Variants in CNTNAP2 observed in about 807,000 individuals in gnomAD.
CNTNAP2 encodes the protein contactin associated protein 2, also known as contactin-associated protein-like 2.
A neutral mutation model predicts 155.2 loss-of-function variants in CNTNAP2; 98 were observed. That is an observed-to-expected ratio of 0.63 (90% CI 0.54 to 0.75). The LOEUF is 0.75. CNTNAP2 is among the 30% of genes least tolerant of loss of function. The pLI is 0.00. For synonymous variants in CNTNAP2, 651 were observed against 631.2 expected (o/e 1.03, Z -0.47); for missense variants, 1,727 against 1,688.1 (o/e 1.02, Z -0.40).
rs1469843603 is a variant in CNTNAP2 at position 146,665,796 on chromosome 7, AAAT to A, written c.98-108473_98-108471del. Among the ~76,000 whole-genome samples, 5 of 148,516 alleles carry A rather than the reference AAAT, an allele frequency of 3.4e-5. 2 individuals are homozygous for A. The East Asian group carries it at 7.8e-4, about 23-fold the overall frequency. Reference sequence around the variant, plus strand: ...ACTCTGTCTCATTAAAAAAAAAAAAAAATACATTTTGTAACTGATTTCTATTTT... The same window carrying A: ...ACTCTGTCTCATTAAAAAAAAAAAAAACATTTTGTAACTGATTTCTATTTT... On this transcript the variant is annotated intron_variant, in intron 1 of 23. Transcript: ENST00000361727.
chr7:147,633,626 C>A (rs1254319618), intron 12 of CNTNAP2, among the ~76,000 whole-genome samples: 2 of 152,116 alleles, frequency 1.3e-5, no homozygotes, highest in Admixed American at 6.6e-5. Context: ...ATGCGAGGAC[C>A]AGATGGAGTT....
At position 147,561,097 on chromosome 7, in the gene CNTNAP2, C is replaced by T. The variant is rs116560931; in HGVS notation, c.1778-1041C>T. Among the ~76,000 whole-genome samples the T allele has an allele frequency of 9.7e-3, 1,482 of 152,026 alleles. 19 individuals carry two copies. The highest frequency in any genetic ancestry group is 0.034 in the African/African-American group (1,397 of 41,450). On this transcript the variant is annotated intron_variant, in intron 11 of 23. Coordinates refer to ENST00000361727, the MANE Select transcript of CNTNAP2 (RefSeq NM_014141.6). Reference sequence around the variant, plus strand: ...GAGAGGTGGCAATGACCTTGAGACCCTCCTCAGTGAAAGCTCTCTAATTCT... The same window carrying T: ...GAGAGGTGGCAATGACCTTGAGACCTTCCTCAGTGAAAGCTCTCTAATTCT...
rs145668414 is a variant in CNTNAP2 at position 148,270,895 on chromosome 7, A to G, written c.3475+3769A>G. Among the ~76,000 whole-genome samples, 294 of 152,332 alleles carry G rather than the reference A, an allele frequency of 1.9e-3. 3 individuals are homozygous for G. The highest frequency in any genetic ancestry group is 6.8e-3 in the African/African-American group (284 of 41,576). ...GAGCCTAGGTTCTCTCCTTTGCAAAATGGGGAACACAAATGCCTACTTGCA... is the reference window on the plus strand; with the variant it reads ...GAGCCTAGGTTCTCTCCTTTGCAAAGTGGGGAACACAAATGCCTACTTGCA... On this transcript the variant is annotated intron_variant, in intron 21 of 23. Transcript: ENST00000361727.
intron 9 of CNTNAP2, among the ~76,000 whole-genome samples, chr7:147,344,646 CA>C (rs1286540323): frequency 6.6e-6 from 1 of 152,102 alleles, no homozygotes; most frequent in Non-Finnish European, 1.5e-5. Flanking sequence ...CAGCATTATG[CA>C]AATGATTGAT....
chr7:147,711,755 T>A (rs1335767503), intron 13 of CNTNAP2, among the ~76,000 whole-genome samples: 1 of 152,156 alleles, frequency 6.6e-6, no homozygotes, highest in East Asian at 1.9e-4. Flanking sequence ...ATTAAGACAA[T>A]CAGCTAAGAT....
chr7:146,344,502 C>T lies in CNTNAP2; in HGVS notation c.97+227529C>T, dbSNP rs141263109. On this transcript the variant is annotated intron_variant, in intron 1 of 23. Coordinates refer to ENST00000361727, the MANE Select transcript of CNTNAP2 (RefSeq NM_014141.6). ...TTTTTTTCTTTTTCTTTTTTTGAGA[C>T]ACAGTCTCACTTTGTAGCCCAGGCT... Among the ~76,000 whole-genome samples the T allele has an allele frequency of 3.5e-3, 516 of 148,614 alleles. 4 individuals carry two copies. Among genetic ancestry groups the T allele is most frequent in the African/African-American group, 0.012 (496 of 40,292 alleles).
At chr7:147,252,707 T>A (rs546392811) in intron 8 of CNTNAP2, among the ~76,000 whole-genome samples, 2 of 152,138 alleles carry the variant, frequency 1.3e-5, no homozygotes, top group East Asian at 3.8e-4. Flanking sequence ...ACCAAACTCA[T>A]GGTAGATTGA....
chr7:148,279,136 G>GT (rs747413066), intron 21 of CNTNAP2, among the ~76,000 whole-genome samples: 1 of 152,210 alleles, frequency 6.6e-6, no homozygotes, highest in Non-Finnish European at 1.5e-5. Flanking sequence ...ACAGTAGAAG[G>GT]TTTTGAGCAC....
intron 1 of CNTNAP2, among the ~76,000 whole-genome samples, chr7:146,721,650 T>C (rs189544952): frequency 1.1e-3 from 120 of 112,664 alleles, no homozygotes; most frequent in African/African-American, 3.0e-3. Flanking sequence ...ATTCTATATA[T>C]ATTCTATATA....
intron 10 of CNTNAP2, among the ~76,000 whole-genome samples, chr7:147,422,582 T>A (rs1797313740): frequency 6.6e-6 from 1 of 152,174 alleles, no homozygotes; most frequent in Non-Finnish European, 1.5e-5. Context: ...AGATGCAATG[T>A]CTTCAATTAA....
intron 2 of CNTNAP2, among the ~76,000 whole-genome samples, chr7:146,813,742 T>C (rs1180237839): frequency 2.6e-5 from 4 of 152,152 alleles, no homozygotes. Context: ...AGTGGAATGA[T>C]ATGGTTTGGC....
At chr7:146,527,480 C>G (rs1449638682) in intron 1 of CNTNAP2, among the ~76,000 whole-genome samples, 1 of 152,002 alleles carries the variant, frequency 6.6e-6, no homozygotes, top group Non-Finnish European at 1.5e-5. Context: ...AGTTGAATAT[C>G]AGGCTCAATG....
intron 1 of CNTNAP2, among the ~76,000 whole-genome samples, chr7:146,598,497 C>A (rs1329081429): frequency 1.3e-5 from 2 of 152,046 alleles, no homozygotes. Context: ...ACTACTCTAT[C>A]AAAATATGTC....
At chr7:147,958,928 C>A (rs1250230229) in intron 14 of CNTNAP2, among the ~76,000 whole-genome samples, 1 of 152,098 alleles carries the variant, frequency 6.6e-6, no homozygotes, top group Non-Finnish European at 1.5e-5. Flanking sequence ...TGTAATTCCA[C>A]ATTTCTAACA....
intron 1 of CNTNAP2, among the ~76,000 whole-genome samples, chr7:146,291,446 C>G (rs913293344): frequency 6.6e-6 from 1 of 152,130 alleles, no homozygotes; most frequent in Non-Finnish European, 1.5e-5. Context: ...ACAGCCATCC[C>G]CATTTGTTTA....
At chr7:147,035,071 A>C (rs1160491429) in intron 3 of CNTNAP2, among the ~76,000 whole-genome samples, 4 of 152,110 alleles carry the variant, frequency 2.6e-5, no homozygotes, top group Non-Finnish European at 5.9e-5. Flanking sequence ...TCCTGCTTTA[A>C]TCAGTAGAGT....
intron 3 of CNTNAP2, among the ~76,000 whole-genome samples, chr7:146,954,571 A>G (rs947996033): frequency 7.2e-5 from 11 of 152,068 alleles, no homozygotes; most frequent in African/African-American, 1.9e-4. Context: ...TTATATTGTA[A>G]TTGATGGATC....
intron 12 of CNTNAP2, 191 bp from the exon 13 acceptor site, chr7:147,638,915 C>T (rs1795228987): frequency 1.5e-6 from 1 of 665,012 alleles, no homozygotes; most frequent in Non-Finnish European, 2.7e-6. Context: ...ATATTACTTT[C>T]CTACTTTGTC....
intron 18 of CNTNAP2, among the ~76,000 whole-genome samples, chr7:148,181,850 C>T (rs986965921): frequency 4.2e-5 from 6 of 141,380 alleles, no homozygotes; most frequent in Admixed American, 7.6e-5. Context: ...CTCCAACTCC[C>T]GGGTTCACGC....
Sources: allele counts gnomAD v4.1 joint callset (sites outside exome capture counted in the v4.1 genomes callset), GRCh38; gene constraint gnomAD v4.1.1; transcripts MANE v1.5; gene names NCBI Gene and HGNC (gene_info 2026-07-23, HGNC 2026-07-21).